ICA1: variants seen among roughly 807,000 people sequenced by gnomAD.
ICA1 encodes 69 kDa islet cell autoantigen.
In ICA1, 40 loss-of-function variants were observed where a neutral mutation model predicts 71.0. The ratio of observed to expected loss-of-function variants is 0.56; its 90% CI spans 0.44 to 0.73. The LOEUF is 0.73. ICA1 is among the 30% of genes least tolerant of loss of function. The pLI, the probability that ICA1 is intolerant of heterozygous loss-of-function variation, is 0.00. For missense variants in ICA1, 578 were observed against 576.5 expected, an observed-to-expected ratio of 1.00 and a Z score of -0.03; for synonymous variants, 207 against 209.5, an observed-to-expected ratio of 0.99 and a Z score of 0.10.
intron 6 of ICA1, among the ~76,000 whole-genome samples, chr7:8,177,389 C>T (rs918566426): frequency 1.3e-5 from 2 of 152,044 alleles, no homozygotes; most frequent in African/African-American, 4.8e-5. Flanking sequence ...AAACAGCTAA[C>T]TGGGTTCACT....
intron 6 of ICA1, 61 bp from the exon 7 acceptor site, chr7:8,158,713 G>C: frequency 6.5e-7 from 1 of 1,547,164 alleles, no homozygotes. Flanking sequence ...AAATTTGCAG[G>C]TGAAATGAGA....
intron 8 of ICA1, among the ~76,000 whole-genome samples, chr7:8,146,746 T>TGC (rs779221207): frequency 7.1e-4 from 105 of 147,096 alleles, no homozygotes; most frequent in East Asian, 2.6e-3. Flanking sequence ...CGTGTGCGTG[T>TGC]GTGTGTGTGT....
At chr7:8,184,177 T>A (rs911308184) in intron 6 of ICA1, among the ~76,000 whole-genome samples, 3 of 152,196 alleles carry the variant, frequency 2.0e-5, no homozygotes, top group African/African-American at 7.2e-5. Flanking sequence ...GCAAATGTGG[T>A]GCCTAGTCAA....
At chr7:8,253,951 A>G (rs1287696680) in intron 1 of ICA1, among the ~76,000 whole-genome samples, 1 of 152,258 alleles carries the variant, frequency 6.6e-6, no homozygotes, top group African/African-American at 2.4e-5. Context: ...CCATCAGAAT[A>G]ATCAGGGAGA....
rs113970471 is a variant in ICA1 at position 8,253,753 on chromosome 7, G to A, written c.-80+8341C>T. 5.3e-3 allele frequency among the ~76,000 whole-genome samples: 801 copies of A among 152,232 alleles called. 7 individuals are homozygous for A. Among genetic ancestry groups the A allele is most frequent in the African/African-American group, 0.017 (707 of 41,542 alleles). On this transcript the variant is annotated intron_variant, in intron 1 of 13. Coordinates refer to ENST00000402384, the MANE Select transcript of ICA1 (RefSeq NM_001136020.3). ...GGTTCTGCAGGGCTCTGCAGGACTT[G>A]AGCATGTGTGGATTTTCATAGCTGA...
chr7:8,259,122 G>T (rs976559459), intron 1 of ICA1, among the ~76,000 whole-genome samples: 1 of 152,196 alleles, frequency 6.6e-6, no homozygotes. Flanking sequence ...GCCCCCAAAT[G>T]ATTCTCTGGG....
At chr7:8,213,152 T>C (rs988668095) in intron 6 of ICA1, among the ~76,000 whole-genome samples, 5 of 152,050 alleles carry the variant, frequency 3.3e-5, no homozygotes, top group African/African-American at 1.2e-4. Flanking sequence ...CAAATGAAAA[T>C]GGCGAGTTAT....
chr7:8,254,660 C>A (rs1386125238), intron 1 of ICA1, among the ~76,000 whole-genome samples: 1 of 151,398 alleles, frequency 6.6e-6, no homozygotes, highest in South Asian at 2.1e-4. Flanking sequence ...TGGGCATGTA[C>A]CCTCTAGGGC....
intron 6 of ICA1, among the ~76,000 whole-genome samples, chr7:8,203,822 G>A (rs1259916706): frequency 6.6e-6 from 1 of 152,184 alleles, no homozygotes; most frequent in Non-Finnish European, 1.5e-5. Context: ...GCAATTTGCA[G>A]AGGATCCTTT....
intron 6 of ICA1, among the ~76,000 whole-genome samples, chr7:8,214,563 G>A (rs759773889): frequency 6.6e-6 from 1 of 152,156 alleles, no homozygotes; most frequent in African/African-American, 2.4e-5. Context: ...GTCCCTCATG[G>A]TCATATTGAC....
intron 1 of ICA1, among the ~76,000 whole-genome samples, chr7:8,261,264 A>T (rs534047756): frequency 7.9e-5 from 12 of 152,344 alleles, no homozygotes; most frequent in African/African-American, 2.6e-4. Context: ...TAAGACCCCA[A>T]AGAGAAGCTC....
At chr7:8,141,931 A>ACG (rs2128126170) in intron 9 of ICA1, 114 bp from the exon 10 acceptor site, 1 of 1,376,294 alleles carries the variant, frequency 7.3e-7, no homozygotes, top group Non-Finnish European at 1.0e-6. Context: ...TACACCACAC[A>ACG]CACGCACACG....
intron 13 of ICA1, 25 bp from the exon 14 acceptor site, chr7:8,114,069 G>A: frequency 6.2e-7 from 1 of 1,613,990 alleles, no homozygotes; most frequent in Non-Finnish European, 8.5e-7. Context: ...GGAAACATGA[G>A]CAAACGCACC....
rs1797536568 is a variant in ICA1 at position 8,222,846 on chromosome 7, C to T, written c.257-1448G>A. ...CTCTGGGCACCTGACTTAGCACTCA[C>T]CTTGTGTGACTGGGCATGTGTCTCT... On this transcript the variant is annotated intron_variant, in intron 4 of 13. Transcript: ENST00000402384. This position sits in a 1 kb window ranked among gnomAD's most constrained non-coding sequence, Gnocchi z 4.8. Among the ~76,000 whole-genome samples, 1 of 152,212 alleles carries T rather than the reference C, an allele frequency of 6.6e-6. No individual in the cohort carries two copies. The highest frequency in any genetic ancestry group is 2.4e-5 in the African/African-American group (1 of 41,466).
intron 1 of ICA1, among the ~76,000 whole-genome samples, chr7:8,238,879 C>A (rs1227930710): frequency 1.3e-5 from 2 of 152,146 alleles, no homozygotes; most frequent in African/African-American, 2.4e-5. Flanking sequence ...ATCCTAGACC[C>A]CACTCCTTTC....
intron 6 of ICA1, among the ~76,000 whole-genome samples, chr7:8,203,837 G>A (rs1218388398): frequency 6.6e-6 from 1 of 152,148 alleles, no homozygotes; most frequent in African/African-American, 2.4e-5. Context: ...TCCTTTGCTG[G>A]ATGCTGGCCT....
chr7:8,113,886 G>T lies in ICA1; in HGVS notation c.*37C>A, dbSNP rs1029742975. The T allele has an allele frequency of 1.2e-6, 2 of 1,612,776 alleles. No individual in the cohort carries two copies. Among genetic ancestry groups the T allele is most frequent in the Admixed American group, 1.7e-5 (1 of 59,990 alleles). On this transcript the variant is annotated 3_prime_UTR_variant, in exon 14 of 14. Coordinates refer to ENST00000402384, the MANE Select transcript of ICA1 (RefSeq NM_001136020.3). This position sits in a 1 kb window ranked among gnomAD's most constrained non-coding sequence, Gnocchi z 4.2. ...CTGCTAGCCCCCAGGGGAGCTGCTG[G>T]GGGCGGCATGTGAGTGCCCTCCCGA...
intron 7 of ICA1, among the ~76,000 whole-genome samples, chr7:8,157,965 C>T (rs903668225): frequency 2.0e-5 from 3 of 152,146 alleles, no homozygotes; most frequent in African/African-American, 7.2e-5. Flanking sequence ...GCTAGGATTA[C>T]AGGTGAGAGC....
intron 6 of ICA1, among the ~76,000 whole-genome samples, chr7:8,163,531 G>A (rs1403507907): frequency 6.6e-6 from 1 of 152,190 alleles, no homozygotes; most frequent in Non-Finnish European, 1.5e-5. Context: ...TTTCAGATCA[G>A]CGAAGGTGTA....
Sources: allele counts gnomAD v4.1 joint callset (sites outside exome capture counted in the v4.1 genomes callset), GRCh38; gene constraint gnomAD v4.1.1; non-coding constraint Gnocchi (gnomAD v3.1); transcripts MANE v1.5; gene names NCBI Gene and HGNC (gene_info 2026-07-23, HGNC 2026-07-21).